SECTM1: variants seen among roughly 807,000 people sequenced by gnomAD.
SECTM1 encodes secreted and transmembrane 1.
Under a neutral mutation model 18.1 loss-of-function variants are expected in SECTM1, and 10 were observed. That is an observed-to-expected ratio of 0.55 (90% CI 0.34 to 0.94). The LOEUF (loss-of-function observed/expected upper bound fraction) is 0.94, where lower values mean the gene tolerates loss of function less well. SECTM1 is among the 40% of genes least tolerant of loss of function. The pLI is 0.02. For synonymous variants in SECTM1, 137 were observed against 139.2 expected, an observed-to-expected ratio of 0.98 and a Z score of 0.11; for missense variants, 297 against 322.6, an observed-to-expected ratio of 0.92 and a Z score of 0.61.
chr17:82,324,492 CAGTCTCAG>C, intron 3 of SECTM1, 82 bp downstream of exon 3: 1 of 1,264,104 alleles, frequency 7.9e-7, no homozygotes. Flanking sequence ...CCTTCCCTCT[CAGTCTCAG>C]CCCTCCCCCT....
intron 3 of SECTM1, chr17:82,323,250 C>T (rs558529502): frequency 4.8e-5 from 26 of 542,018 alleles, no homozygotes; most frequent in South Asian, 3.1e-4. Flanking sequence ...GCGAGGGAAA[C>T]ATCTACCCCT....
chr17:82,333,183 C>T (rs1295210605), intron 1 of SECTM1, among the ~76,000 whole-genome samples: 1 of 152,258 alleles, frequency 6.6e-6, no homozygotes, highest in African/African-American at 2.4e-5. Context: ...TGTCCACCAG[C>T]TTGTGTGCAC....
chr17:82,322,197 G>A lies in SECTM1; in HGVS notation c.711C>T (p.Ser237=), dbSNP rs774758774. The change falls in exon 5 of 5, where the codon TCC becomes TCT. Residue 237 remains serine (S), a synonymous_variant. Coordinates refer to ENST00000269389, the MANE Select transcript of SECTM1 (RefSeq NM_003004.3). Reference sequence around the variant, plus strand: ...CGGCATATGGAAACAAGGGTTGGGGGGACAGCAGCTCCAGGGCTCCAAGTG... The same window carrying A: ...CGGCATATGGAAACAAGGGTTGGGGAGACAGCAGCTCCAGGGCTCCAAGTG... The part of the protein sequence containing the change: ...PSPLGALELL[S]PQPLFPYAAD... The A allele has an allele frequency of 1.9e-6, 3 of 1,613,436 alleles. No individual in the cohort carries two copies. Among genetic ancestry groups the A allele is most frequent in the African/African-American group, 2.7e-5 (2 of 74,896 alleles).
rs2052166600 is a variant in SECTM1, at chr17:82,328,541, A to T, written c.-52-1249T>A. ...CCTAACCTAACCCCAACCCTAACTC[A>T]GTCAGTCCCGCCGGTGGGGTCTGGG... is the stretch of plus-strand genomic sequence containing the variant. On this transcript the variant is annotated intron_variant, in intron 1 of 4. Transcript: ENST00000269389. This position sits in a 1 kb window ranked among gnomAD's most constrained non-coding sequence, Gnocchi z 5.8. 6.6e-6 allele frequency: 1 copy of T among 152,258 alleles called. No homozygotes were observed. Among genetic ancestry groups the T allele is most frequent in the African/African-American group, 2.4e-5 (1 of 41,438 alleles). The allele number at this position is 152,258 out of a possible 1,614,324, so 9.4% of individuals were successfully genotyped here.
In SECTM1 at chr17:82,322,292, A is replaced by C; in HGVS notation, c.616T>G (p.Ser206Ala). The C allele has an allele frequency of 1.2e-6, 2 of 1,612,646 alleles. No homozygotes were observed. Among genetic ancestry groups the C allele is most frequent in the Non-Finnish European group, 1.7e-6 (2 of 1,179,234 alleles). ...GAGTCTGGGGTCCACAGTTCAGCGG[A>C]GGCTCTGCTCAGGCCCTGCTGGGCT... The part of the protein sequence containing the change: ...AGAQQGLSRA[S>A]AELWTPDSEP... Residue 206 changes from serine to alanine, a missense_variant, in exon 5 of 5, where the codon TCC becomes GCC. Ser to Ala is a moderately conservative substitution (Grantham distance 99). Transcript: ENST00000269389.
At chr17:82,324,535 GT>G in intron 3 of SECTM1, 46 bp downstream of exon 3, 1 of 730,098 alleles carries the variant, frequency 1.4e-6, no homozygotes, top group South Asian at 4.0e-5. Flanking sequence ...CCCTCCCCGT[GT>G]CCCCTCTCAC....
At position 82,325,045 on chromosome 17, in the gene SECTM1, T is replaced by A. The variant is rs1442155822; in HGVS notation, c.95-155A>T. On this transcript the variant is annotated intron_variant, in intron 2 of 4. Transcript: ENST00000269389. The surrounding 1 kb of genome is among the most constrained non-coding windows in gnomAD (Gnocchi z 7.6). ...CCACCCGACCCAATCAGCACATATA[T>A]CTCGTGTGGGAAGAATAAAATAGCA... Among the ~76,000 whole-genome samples the A allele has an allele frequency of 6.6e-6, 1 of 151,684 alleles. No individual in the cohort carries two copies. Among genetic ancestry groups the A allele is most frequent in the African/African-American group, 2.4e-5 (1 of 41,248 alleles).
rs151303767 is a variant in SECTM1, at chr17:82,325,727, C to T, written c.95-837G>A. Among the ~76,000 whole-genome samples the T allele has an allele frequency of 7.9e-5, 12 of 152,344 alleles. No homozygotes were observed. In the East Asian group the frequency reaches 2.3e-3, roughly 29 times the overall value. ...ATGCCTGAGATTCAGGCCGTCGGGC[C>T]CGAGCATGGTACCAGCCTGAGGTCT... On this transcript the variant is annotated intron_variant, in intron 2 of 4. Coordinates refer to ENST00000269389, the MANE Select transcript of SECTM1 (RefSeq NM_003004.3). This position sits in a 1 kb window ranked among gnomAD's most constrained non-coding sequence, Gnocchi z 7.6.
chr17:82,330,392 C>T lies in SECTM1; in HGVS notation c.-52-3100G>A, dbSNP rs2052182224. ...GGGGTGGGAATTCTGGGCACACAGC[C>T]AAAGGTCACAGATCCCCAGAGAGCC... On this transcript the variant is annotated intron_variant, in intron 1 of 4. Transcript: ENST00000269389. This position sits in a 1 kb window ranked among gnomAD's most constrained non-coding sequence, Gnocchi z 6.1. Among the ~76,000 whole-genome samples, 1 of 152,142 alleles carries T rather than the reference C, an allele frequency of 6.6e-6. No homozygotes were observed. The highest frequency in any genetic ancestry group is 1.5e-5 in the Non-Finnish European group (1 of 67,998).
chr17:82,322,916 C>T lies in SECTM1; in HGVS notation c.499G>A (p.Ala167Thr), dbSNP rs777563565. Residue 167 changes from alanine (A) to threonine (T), a missense_variant, in exon 4 of 5, where the codon GCC becomes ACC. Transcript: ENST00000269389. ...TGGGAACAGCGGCACCTGTACCAGG[C>T]GAACATGACCAGAGCGACCAAGAGG... The part of the protein sequence containing the change: ...FILLVALVMF[A>T]WYRCRCSQQR... 31 of 1,613,752 alleles carry T rather than the reference C, an allele frequency of 1.9e-5. No homozygotes were observed. The highest frequency in any genetic ancestry group is 2.5e-5 in the Non-Finnish European group (30 of 1,179,998).
chr17:82,327,094 GC>G, intron 2 of SECTM1, 52 bp downstream of exon 2: 2 of 1,403,590 alleles, frequency 1.4e-6, no homozygotes, highest in Non-Finnish European at 2.0e-6. Context: ...CCCCTGTCAT[GC>G]CCCCACCGGG....
At position 82,324,643 on chromosome 17, in the gene SECTM1, C is replaced by T. The variant is rs772169655; in HGVS notation, c.342G>A (p.Leu114=). 6.2e-7 allele frequency: 1 copy of T among 1,613,396 alleles called. No individual in the cohort carries two copies. The highest frequency in any genetic ancestry group is 1.1e-5 in the South Asian group (1 of 91,052). Residue 114 remains leucine (L), a synonymous_variant, in exon 3 of 5, where the codon CTG becomes CTA. Transcript: ENST00000269389. ...GGTGTCCCACGAGGTGCCACATGTACAGCCCAGCATGGGAGTCCCGGGCGC... is the reference window on the plus strand; with the variant it reads ...GGTGTCCCACGAGGTGCCACATGTATAGCCCAGCATGGGAGTCCCGGGCGC... ...IKGARDSHAG[L]YMWHLVGHQR...
rs1168354858 is a variant in SECTM1 at position 82,322,225 on chromosome 17, G to A, written c.683C>T (p.Ser228Leu). The change falls in exon 5 of 5, where the codon TCA becomes TTA. Residue 228 changes from serine to leucine, a missense_variant. Transcript: ENST00000269389. ...CAGCAGCTCCAGGGCTCCAAGTGGT[G>A]AGGGTTTGAACACCAGTGCCAGCGG... ...PRPLALVFKP[S>L]PLGALELLSP... 5 of 1,612,706 alleles carry A rather than the reference G, an allele frequency of 3.1e-6. No individual in the cohort carries two copies. Among genetic ancestry groups the A allele is most frequent in the South Asian group, 1.1e-5 (1 of 90,974 alleles).
rs2052136966 is a variant in SECTM1, at chr17:82,325,292, C to CGTGGGAAGCA, written c.95-412_95-403dup. Among the ~76,000 whole-genome samples the CGTGGGAAGCA allele has an allele frequency of 6.6e-6, 1 of 152,182 alleles. No individual in the cohort carries two copies. The highest frequency in any genetic ancestry group is 1.5e-5 in the Non-Finnish European group (1 of 68,034). The stretch of plus-strand genomic sequence containing the variant: ...CACTGACCTGCCGAATCACCCTCCT[C>CGTGGGAAGCA]GTGGGAAGCAGTGGCCAGGCCCCAC... On this transcript the variant is annotated intron_variant, in intron 2 of 4. Coordinates refer to ENST00000269389, the MANE Select transcript of SECTM1 (RefSeq NM_003004.3). The surrounding 1 kb of genome is among the most constrained non-coding windows in gnomAD (Gnocchi z 7.6).
chr17:82,333,848 T>A (rs965741171), upstream of SECTM1: 1 of 152,254 alleles, frequency 6.6e-6, no homozygotes, highest in Non-Finnish European at 1.5e-5. Context: ...GAGCTGGGTT[T>A]ACGGGAAGCC....
intron 2 of SECTM1, 26 bp from the exon 3 acceptor site, chr17:82,324,916 C>T (rs761797825): frequency 2.0e-5 from 32 of 1,590,322 alleles, no homozygotes; most frequent in Admixed American, 3.4e-5. Flanking sequence ...GAGGCACACA[C>T]GGATCAGGGC....
rs1254941452 is a variant in SECTM1, at chr17:82,324,865, C to T, written c.120G>A (p.Glu40=). The T allele has an allele frequency of 6.2e-7, 1 of 1,613,368 alleles. No homozygotes were observed. Among genetic ancestry groups the T allele is most frequent in the Non-Finnish European group, 8.5e-7 (1 of 1,179,728 alleles). ...CGCCCCAAGACACAGAGACTACCCC[C>T]TCTGTGCAGATGGGGCTGTCCCAGC... ...NEGWDSPICT[E]GVVSVSWGEN... is the part of the protein sequence containing the mutation. Residue 40 remains glutamate, a synonymous_variant, in exon 3 of 5, where the codon GAG becomes GAA. Coordinates refer to ENST00000269389, the MANE Select transcript of SECTM1 (RefSeq NM_003004.3).
chr17:82,321,351 C>A lies in SECTM1; in HGVS notation c.*810G>T, dbSNP rs1192905706. On this transcript the variant is annotated 3_prime_UTR_variant, in exon 5 of 5. Transcript: ENST00000269389. ...CATTTCAGATATTCGAGTCATGGAA[C>A]TTTTTCAAAGAACTGAAGGGGGATT... is the stretch of plus-strand genomic sequence containing the variant. 6.6e-6 allele frequency: 1 copy of A among 152,222 alleles called. No individual in the cohort carries two copies. Among genetic ancestry groups the A allele is most frequent in the Non-Finnish European group, 1.5e-5 (1 of 68,034 alleles). 9.4% of individuals were successfully genotyped at this position (152,222 alleles called of 1,614,324 possible). A position where few individuals can be genotyped will look rare whatever the true frequency, so the allele number is the denominator to read the frequency against.
At chr17:82,332,739 C>T (rs774178052) in intron 1 of SECTM1, among the ~76,000 whole-genome samples, 1 of 152,200 alleles carries the variant, frequency 6.6e-6, no homozygotes. Flanking sequence ...TGGGGCTAGA[C>T]CGGGCTAACC....
Sources: allele counts gnomAD v4.1 joint callset (sites outside exome capture counted in the v4.1 genomes callset), GRCh38; gene constraint gnomAD v4.1.1; non-coding constraint Gnocchi (gnomAD v3.1); transcripts MANE v1.5; gene names NCBI Gene and HGNC (gene_info 2026-07-23, HGNC 2026-07-21).